The following NTRK3 variants were observed in gnomAD, a reference collection of about 807,000 sequenced individuals.
The protein encoded by NTRK3 is NT-3 growth factor receptor.
Under a neutral mutation model 91.7 loss-of-function variants are expected in NTRK3, and 24 were observed. That is an observed-to-expected ratio of 0.26 (90% CI 0.19 to 0.37). The LOEUF (loss-of-function observed/expected upper bound fraction) is 0.37, where lower values mean the gene tolerates loss of function less well. NTRK3 is among the 10% of genes least tolerant of loss of function. The pLI is 1.00. For missense variants in NTRK3, 880 were observed against 1,068.9 expected (o/e 0.82, Z 2.46); for synonymous variants, 483 against 404.0 (o/e 1.20, Z -2.34).
rs1596440482 is a variant in NTRK3 at position 87,964,595 on chromosome 15, T to G, written c.1586-23842A>C. ...GTATAATCACCAGCATAAACCAGTT[T>G]TCAAACATTCATCACCCCAACAAGA... On this transcript the variant is annotated intron_variant, in intron 14 of 18. Coordinates refer to ENST00000394480, the Ensembl canonical transcript of NTRK3. Among the ~76,000 whole-genome samples the G allele has an allele frequency of 7.9e-5, 12 of 152,258 alleles. No homozygotes were observed. The South Asian group carries it at 2.5e-3, about 32-fold the overall frequency.
intron 5 of NTRK3, among the ~76,000 whole-genome samples, chr15:88,150,336 G>A (rs561079749): frequency 2.3e-4 from 35 of 152,268 alleles, no homozygotes; most frequent in African/African-American, 8.2e-4. Flanking sequence ...TGCTACATTA[G>A]GCAGAAATGT....
chr15:87,921,760 C>A (rs2067895206), intron 17 of NTRK3, among the ~76,000 whole-genome samples: 1 of 152,028 alleles, frequency 6.6e-6, no homozygotes, highest in African/African-American at 2.4e-5. Flanking sequence ...CTTCTCCCTA[C>A]AAAGAGGAGC....
At chr15:88,081,608 A>G (rs763066363) in intron 13 of NTRK3, among the ~76,000 whole-genome samples, 1 of 152,200 alleles carries the variant, frequency 6.6e-6, no homozygotes, top group Non-Finnish European at 1.5e-5. Context: ...TCTGAATCGG[A>G]AAGGGTAGGA....
chr15:88,225,740 C>CA (rs2141643611), intron 3 of NTRK3, among the ~76,000 whole-genome samples: 1 of 152,298 alleles, frequency 6.6e-6, no homozygotes, highest in Non-Finnish European at 1.5e-5. Context: ...AGACCAGATC[C>CA]AAAACCCTCT....
At chr15:88,107,940 C>T (rs1666792658) in intron 13 of NTRK3, among the ~76,000 whole-genome samples, 2 of 151,850 alleles carry the variant, frequency 1.3e-5, no homozygotes, top group South Asian at 4.2e-4. Flanking sequence ...AGTAGAGGAC[C>T]CCAAGGTGGA....
intron 3 of NTRK3, among the ~76,000 whole-genome samples, chr15:88,211,972 A>C (rs566167312): frequency 6.6e-6 from 1 of 152,252 alleles, no homozygotes; most frequent in African/African-American, 2.4e-5. Context: ...ATTTTGTAGA[A>C]TAAAGCAAAT....
At chr15:88,151,665 T>C (rs2043391252) in intron 5 of NTRK3, among the ~76,000 whole-genome samples, 1 of 151,984 alleles carries the variant, frequency 6.6e-6, no homozygotes, top group Non-Finnish European at 1.5e-5. Flanking sequence ...CCTTTGGGGG[T>C]TGAGAGTTGA....
chr15:88,093,559 G>A (rs538304412), intron 13 of NTRK3, among the ~76,000 whole-genome samples: 2 of 152,304 alleles, frequency 1.3e-5, no homozygotes, highest in East Asian at 3.9e-4. Context: ...GATTTAAATA[G>A]ACAGGCTCTG....
At chr15:87,895,741 C>T (rs759221833) in intron 17 of NTRK3, among the ~76,000 whole-genome samples, 1 of 151,762 alleles carries the variant, frequency 6.6e-6, no homozygotes, top group Non-Finnish European at 1.5e-5. Context: ...CTGAGAGATT[C>T]CTCTGCACAA....
chr15:87,927,903 T>C (rs372193552), intron 17 of NTRK3: 3 of 152,296 alleles, frequency 2.0e-5, no homozygotes, highest in South Asian at 4.1e-4. Flanking sequence ...CTCCAAAACA[T>C]TGTCCCACAC....
intron 14 of NTRK3, among the ~76,000 whole-genome samples, chr15:88,019,280 G>A (rs1171192274): frequency 6.6e-6 from 1 of 152,250 alleles, no homozygotes; most frequent in Non-Finnish European, 1.5e-5. Context: ...CAGGATGACA[G>A]TATTTGCAAG....
At chr15:88,136,007 T>C in exon 9 of NTRK3, 1 of 1,614,246 alleles carries the variant, frequency 6.2e-7, no homozygotes, top group Non-Finnish European at 8.5e-7. Flanking sequence ...AGCGTCAAGT[T>C]GATGGCATGA....
intron 13 of NTRK3, among the ~76,000 whole-genome samples, chr15:88,034,210 G>A (rs1257554729): frequency 1.3e-5 from 2 of 152,148 alleles, no homozygotes; most frequent in Non-Finnish European, 1.5e-5. Flanking sequence ...TGACAGTAAC[G>A]AAGCTGCATC....
intron 3 of NTRK3, among the ~76,000 whole-genome samples, chr15:88,248,758 T>A (rs2053082792): frequency 6.6e-6 from 1 of 152,118 alleles, no homozygotes; most frequent in Admixed American, 6.5e-5. Flanking sequence ...TGCAATGAGG[T>A]ATTAGCCTTA....
chr15:88,065,010 G>C (rs1329731929), intron 13 of NTRK3, among the ~76,000 whole-genome samples: 1 of 152,138 alleles, frequency 6.6e-6, no homozygotes, highest in South Asian at 2.1e-4. Context: ...ACATATGCTT[G>C]ATAACAAGTT....
chr15:88,030,866 T>G (rs1567255876), intron 14 of NTRK3, among the ~76,000 whole-genome samples: 1 of 152,238 alleles, frequency 6.6e-6, no homozygotes, highest in African/African-American at 2.4e-5. Flanking sequence ...ACTCTCATAC[T>G]ATAAACAACT....
chr15:88,182,148 C>T (rs990323802), intron 5 of NTRK3, among the ~76,000 whole-genome samples: 1 of 152,098 alleles, frequency 6.6e-6, no homozygotes, highest in Non-Finnish European at 1.5e-5. Flanking sequence ...ATACACCTGG[C>T]CCTGAACAGT....
At chr15:87,916,449 T>C (rs1328744836) in intron 17 of NTRK3, 3 of 698,252 alleles carry the variant, frequency 4.3e-6, no homozygotes. Context: ...CCTTTTCCTC[T>C]CCTTTCCCGA....
chr15:87,981,486 G>C (rs920416753), intron 14 of NTRK3: 2 of 1,286,340 alleles, frequency 1.6e-6, no homozygotes, highest in Non-Finnish European at 2.2e-6. Context: ...CTCAGCTCCT[G>C]TACCCACTCT....
Sources: gnomAD v4.1 joint callset for allele counts (sites outside exome capture counted in the v4.1 genomes callset) on GRCh38, gnomAD v4.1.1 for gene constraint, MANE v1.5 for transcripts, NCBI Gene and HGNC (gene_info 2026-07-23, HGNC 2026-07-21) for gene names.